Variants in GRB10 observed in about 807,000 individuals in gnomAD.
GRB10 encodes growth factor receptor bound protein 10.
A neutral mutation model predicts 80.9 loss-of-function variants in GRB10; 20 were observed. That is an observed-to-expected ratio of 0.25 (90% CI 0.17 to 0.36). GRB10 has a LOEUF of 0.36. Ranked by LOEUF, GRB10 falls within the 10% of genes least tolerant of loss-of-function variation. The pLI is 1.00. For missense variants in GRB10, 548 were observed against 747.7 expected (o/e 0.73, Z 3.12); for synonymous variants, 291 against 291.5 (o/e 1.00, Z 0.02).
chr7:50,603,957 A>G (rs757212360), intron 17 of GRB10, 41 bp downstream of exon 17: 2 of 1,416,180 alleles, frequency 1.4e-6, no homozygotes, highest in East Asian at 4.5e-5. Context: ...GCACAATAAA[A>G]CCTTAGCAGA....
Position 50,718,801 on chromosome 7 carries a change from C to T in GRB10, c.51+13471G>A, listed in dbSNP as rs1035348018. On this transcript the variant is annotated intron_variant, in intron 4 of 18. Transcript: ENST00000401949. The stretch of plus-strand genomic sequence containing the variant: ...CATTCACAGCTCTCAGGGTCAAGAG[C>T]GCTTAAGCAGCAAGAGGGGTCCTGC... Among the ~76,000 whole-genome samples, 6 of 152,102 alleles carry T rather than the reference C, an allele frequency of 3.9e-5. No individual in the cohort carries two copies. In the South Asian group the frequency reaches 6.2e-4, roughly 16 times the overall value.
intron 17 of GRB10, among the ~76,000 whole-genome samples, chr7:50,599,059 T>A (rs2047142047): frequency 6.6e-6 from 1 of 152,156 alleles, no homozygotes; most frequent in African/African-American, 2.4e-5. Context: ...AAAAAGATCC[T>A]TCTCCTGCAG....
rs2069958673 is a variant in GRB10 at position 50,732,388 on chromosome 7, T to C, written c.-46-20A>G. The C allele has an allele frequency of 7.0e-7, 1 of 1,432,466 alleles. No individual in the cohort carries two copies. Among genetic ancestry groups the C allele is most frequent in the Non-Finnish European group, 9.8e-7 (1 of 1,022,040 alleles). 88.7% of individuals were successfully genotyped at this position (1,432,466 alleles called of 1,614,324 possible). ...CAGCACCTGGAATAAAGACAGACTG[T>C]GAGAAGCCAAGCCAGAAAAAAAAAA... On this transcript the variant is annotated intron_variant, in intron 3 of 18. Coordinates refer to ENST00000401949, the MANE Select transcript of GRB10 (RefSeq NM_001350814.2).
intron 3 of GRB10, among the ~76,000 whole-genome samples, chr7:50,741,645 A>G (rs924587949): frequency 6.6e-6 from 1 of 152,144 alleles, no homozygotes; most frequent in Non-Finnish European, 1.5e-5. Flanking sequence ...TAAAGATACA[A>G]TACAGTCCTA....
chr7:50,723,571 C>T lies in GRB10; in HGVS notation c.51+8701G>A, dbSNP rs150416144. ...AAGGAAGACGATGAAGGGTTTTTAG[C>T]GATCCAGCCCCTTGGATCCCAGGAG... On this transcript the variant is annotated intron_variant, in intron 4 of 18. Coordinates refer to ENST00000401949, the MANE Select transcript of GRB10 (RefSeq NM_001350814.2). Among the ~76,000 whole-genome samples, 6 of 152,304 alleles carry T rather than the reference C, an allele frequency of 3.9e-5. 1 individual carries two copies. The highest frequency in any genetic ancestry group is 1.4e-4 in the African/African-American group (6 of 41,566).
At chr7:50,714,795 C>T (rs1435092879) in intron 4 of GRB10, among the ~76,000 whole-genome samples, 4 of 152,112 alleles carry the variant, frequency 2.6e-5, no homozygotes, top group Non-Finnish European at 4.4e-5. Flanking sequence ...CTGGGTCCCA[C>T]AACCCCAGCA....
intron 7 of GRB10, among the ~76,000 whole-genome samples, chr7:50,654,330 A>T (rs559511117): frequency 6.6e-6 from 1 of 152,288 alleles, no homozygotes; most frequent in South Asian, 2.1e-4. Flanking sequence ...AAAACCAGAG[A>T]CAGATCAGTT....
chr7:50,614,943 G>GTCTACCAGAGGT, intron 11 of GRB10, 63 bp from the exon 12 acceptor site: 3 of 993,658 alleles, frequency 3.0e-6, no homozygotes, highest in Non-Finnish European at 4.9e-6. Flanking sequence ...GTTCACCTCT[G>GTCTACCAGAGGT]GTAGACAGAG....
intron 7 of GRB10, among the ~76,000 whole-genome samples, chr7:50,666,548 C>T (rs776343787): frequency 2.6e-5 from 4 of 152,120 alleles, no homozygotes; most frequent in South Asian, 2.1e-4. Flanking sequence ...AACTCAGATC[C>T]GTGAGGGCCC....
chr7:50,732,204 C>T lies in GRB10; in HGVS notation c.51+68G>A, dbSNP rs545354571. 60 of 1,490,542 alleles carry T rather than the reference C, an allele frequency of 4.0e-5. No homozygotes were observed. The East Asian group carries it at 9.7e-4, about 24-fold the overall frequency. 92.3% of individuals were successfully genotyped at this position (1,490,542 alleles called of 1,614,324 possible). A position where few individuals can be genotyped will look rare whatever the true frequency, so the allele number is the denominator to read the frequency against. ...TACAGAAACGATCCATGGCTGCTGG[C>T]GACATGTGTGCCCTGGCCCTCGACC... On this transcript the variant is annotated intron_variant, in intron 4 of 18. Coordinates refer to ENST00000401949, the MANE Select transcript of GRB10 (RefSeq NM_001350814.2).
chr7:50,614,256 G>GT (rs1363199720), intron 12 of GRB10, among the ~76,000 whole-genome samples: 1 of 152,184 alleles, frequency 6.6e-6, no homozygotes. Flanking sequence ...ATGTATGCAC[G>GT]TGTGGGTATG....
intron 4 of GRB10, among the ~76,000 whole-genome samples, chr7:50,706,493 C>T (rs533101972): frequency 3.9e-4 from 59 of 152,238 alleles, no homozygotes; most frequent in Non-Finnish European, 7.8e-4. Context: ...TTCACACACT[C>T]ACCCTTCTAC....
intron 17 of GRB10, among the ~76,000 whole-genome samples, chr7:50,597,549 C>G (rs530593519): frequency 6.6e-6 from 1 of 152,254 alleles, no homozygotes; most frequent in Non-Finnish European, 1.5e-5. Flanking sequence ...CTTTCTCTGC[C>G]GTTAACTATC....
intron 7 of GRB10, among the ~76,000 whole-genome samples, chr7:50,628,939 T>C (rs1379823428): frequency 1.3e-5 from 2 of 152,192 alleles, no homozygotes; most frequent in African/African-American, 4.8e-5. Context: ...AACATGTCTC[T>C]GGGTCCTAGG....
intron 13 of GRB10, 106 bp from the exon 14 acceptor site, chr7:50,606,520 TGATG>T: frequency 2.5e-6 from 2 of 808,472 alleles, no homozygotes; most frequent in Non-Finnish European, 4.3e-6. Context: ...GAACAGGGAG[TGATG>T]CCCTGTACCA....
intron 2 of GRB10, among the ~76,000 whole-genome samples, chr7:50,757,558 G>C (rs567990800): frequency 6.6e-6 from 1 of 152,344 alleles, no homozygotes; most frequent in African/African-American, 2.4e-5. Flanking sequence ...CTATGCAAAA[G>C]CATTTTATTA....
At chr7:50,742,566 G>A (rs886858030) in intron 3 of GRB10, among the ~76,000 whole-genome samples, 1 of 152,178 alleles carries the variant, frequency 6.6e-6, no homozygotes, top group African/African-American at 2.4e-5. Flanking sequence ...AAACTCAGTG[G>A]AGGGGGTGTG....
Position 50,596,132 on chromosome 7 carries a change from C to T in GRB10, c.1545-602G>A, listed in dbSNP as rs190045122. 3.3e-5 allele frequency among the ~76,000 whole-genome samples: 5 copies of T among 152,180 alleles called. No individual in the cohort carries two copies. In the East Asian group the frequency reaches 9.7e-4, roughly 29 times the overall value. On this transcript the variant is annotated intron_variant, in intron 17 of 18. Coordinates refer to ENST00000401949, the MANE Select transcript of GRB10 (RefSeq NM_001350814.2). ...CAATTAACGAAGGAGGGGGGATCTT[C>T]AACAAATGCTGAAACCAGCAGATGA...
chr7:50,609,582 C>T (rs1242777718), intron 13 of GRB10, among the ~76,000 whole-genome samples: 1 of 152,174 alleles, frequency 6.6e-6, no homozygotes, highest in Non-Finnish European at 1.5e-5. Flanking sequence ...AGGTTTAATG[C>T]TGCGTTCATT....
Sources: gnomAD v4.1 joint callset for allele counts (sites outside exome capture counted in the v4.1 genomes callset) on GRCh38, gnomAD v4.1.1 for gene constraint, MANE v1.5 for transcripts, NCBI Gene and HGNC (gene_info 2026-07-23, HGNC 2026-07-21) for gene names.